ACACA: variants seen among roughly 807,000 people sequenced by gnomAD.
ACACA encodes the protein acetyl-CoA carboxylase 1.
In ACACA, 103 loss-of-function variants were observed where a neutral mutation model predicts 296.1. The observed-to-expected ratio is 0.35, with a 90% CI of 0.30 to 0.41. The LOEUF is 0.41. ACACA is among the 10% of genes least tolerant of loss of function. The pLI is 1.00. For missense variants in ACACA, 1,554 were observed against 2,989.7 expected (o/e 0.52, Z 11.20); for synonymous variants, 953 against 1,038.6 (o/e 0.92, Z 1.58).
At chr17:37,352,728 A>C (rs80087087) in intron 1 of ACACA, among the ~76,000 whole-genome samples, 1 of 146,186 alleles carries the variant, frequency 6.8e-6, no homozygotes, top group African/African-American at 2.5e-5. Context: ...AGACCTTATC[A>C]AAAAAAAAAA....
chr17:37,138,389 C>A (rs569843987), intron 45 of ACACA, among the ~76,000 whole-genome samples: 20 of 152,238 alleles, frequency 1.3e-4, no homozygotes, highest in Non-Finnish European at 2.8e-4. Context: ...CTAGAAAAGA[C>A]TGGAGTCCTT....
chr17:37,318,937 AATG>A (rs2047218089), intron 3 of ACACA, among the ~76,000 whole-genome samples: 3 of 152,234 alleles, frequency 2.0e-5, no homozygotes, highest in Admixed American at 6.5e-5. Flanking sequence ...TGGTACATAA[AATG>A]ATTATAAAAT....
At chr17:37,273,687 T>TTAA (rs1240822734) in intron 9 of ACACA, among the ~76,000 whole-genome samples, 1 of 152,244 alleles carries the variant, frequency 6.6e-6, no homozygotes, top group Non-Finnish European at 1.5e-5. Context: ...TGAGTGAGCC[T>TTAA]GCTTAACTCT....
rs546061028 is a variant in ACACA, at chr17:37,240,507, C to T, written c.3090G>A (p.Gln1030=). 4 of 1,613,834 alleles carry T rather than the reference C, an allele frequency of 2.5e-6. No individual in the cohort carries two copies. The African/African-American group carries it at 5.3e-5, about 22-fold the overall frequency. ...MKAVVMDLLR[Q]YLRVETQFQN... ...GGAATTGTGTCTCTACTCGCAGGTA[C>T]TGCCGGAGCAGATCCATCACCACAG... is the stretch of plus-strand genomic sequence containing the variant. The change falls in exon 24 of 56, where the codon CAG becomes CAA. Residue 1030 remains glutamine (Q), a synonymous_variant. Transcript: ENST00000616317.
At chr17:37,325,532 A>C (rs1018846514) in intron 3 of ACACA, among the ~76,000 whole-genome samples, 2 of 147,150 alleles carry the variant, frequency 1.4e-5, no homozygotes, top group African/African-American at 5.0e-5. Flanking sequence ...GTATATTCCC[A>C]CCAAGCTATA....
chr17:37,206,155 CT>C (rs11303351), intron 32 of ACACA, among the ~76,000 whole-genome samples: 3,122 of 152,172 alleles, frequency 0.021, 110 homozygotes, highest in African/African-American at 0.072. Flanking sequence ...TATGTCTCAC[CT>C]TTTTTACCAA....
intron 29 of ACACA, among the ~76,000 whole-genome samples, chr17:37,216,235 A>T (rs1598206835): frequency 6.8e-6 from 1 of 148,024 alleles, no homozygotes; most frequent in African/African-American, 2.5e-5. Flanking sequence ...TATGTTTCTA[A>T]CTATGCTTAA....
intron 24 of ACACA, among the ~76,000 whole-genome samples, chr17:37,236,215 AT>A (rs557412246): frequency 6.6e-6 from 1 of 152,178 alleles, no homozygotes; most frequent in Admixed American, 6.5e-5. Flanking sequence ...GACATAAGCA[AT>A]TTTTTTCCAA....
chr17:37,209,086 T>C (rs1267949872), intron 30 of ACACA, among the ~76,000 whole-genome samples: 4 of 152,208 alleles, frequency 2.6e-5, no homozygotes, highest in African/African-American at 9.6e-5. Flanking sequence ...GAGTGATGAC[T>C]ATGGAAAAGG....
At chr17:37,362,773 A>G (rs909587729) in intron 1 of ACACA, among the ~76,000 whole-genome samples, 2 of 152,112 alleles carry the variant, frequency 1.3e-5, no homozygotes, top group Non-Finnish European at 2.9e-5. Flanking sequence ...CAGGATATCG[A>G]GACCATCCTG....
At chr17:37,321,011 T>C (rs1006197810) in intron 3 of ACACA, among the ~76,000 whole-genome samples, 5 of 152,106 alleles carry the variant, frequency 3.3e-5, no homozygotes, top group African/African-American at 1.2e-4. Context: ...TGGGATTGTT[T>C]TGATAATTCA....
intron 1 of ACACA, among the ~76,000 whole-genome samples, chr17:37,355,275 T>C (rs2049083097): frequency 7.6e-6 from 1 of 131,354 alleles, no homozygotes; most frequent in Admixed American, 7.6e-5. Flanking sequence ...AAAAATAAAG[T>C]GGCCAGGCGC....
intron 45 of ACACA, among the ~76,000 whole-genome samples, chr17:37,130,783 C>G (rs888986460): frequency 1.3e-5 from 2 of 151,992 alleles, no homozygotes; most frequent in African/African-American, 2.4e-5. Context: ...TCTTTGCACA[C>G]AGACACAAAA....
intron 3 of ACACA, among the ~76,000 whole-genome samples, chr17:37,307,653 C>G (rs951758758): frequency 2.0e-5 from 3 of 152,064 alleles, no homozygotes; most frequent in African/African-American, 7.2e-5. Context: ...GGAGTGCAAT[C>G]TCAGCTCACT....
intron 40 of ACACA, 136 bp downstream of exon 40, chr17:37,181,065 A>T: frequency 1.1e-6 from 1 of 945,516 alleles, no homozygotes; most frequent in Non-Finnish European, 1.7e-6. Flanking sequence ...TCCTCAAATG[A>T]AATAGAAATG....
chr17:37,088,814 T>C, intron 55 of ACACA, 124 bp downstream of exon 55: 1 of 1,346,230 alleles, frequency 7.4e-7, no homozygotes, highest in Non-Finnish European at 1.1e-6. Flanking sequence ...TACAGCTGTC[T>C]CAAACAGCAA....
At chr17:37,392,938 T>C (rs1253933173) in intron 1 of ACACA, among the ~76,000 whole-genome samples, 1 of 149,740 alleles carries the variant, frequency 6.7e-6, no homozygotes, top group African/African-American at 2.5e-5. Flanking sequence ...AGGTAAGGAG[T>C]TTGAGACCAG....
At chr17:37,350,617 A>T (rs1450308239) in intron 1 of ACACA, among the ~76,000 whole-genome samples, 3 of 152,194 alleles carry the variant, frequency 2.0e-5, no homozygotes, top group Non-Finnish European at 4.4e-5. Flanking sequence ...AGGCAGGTAG[A>T]TCACCTGAGA....
At chr17:37,278,957 T>C (rs571435085) in intron 5 of ACACA, among the ~76,000 whole-genome samples, 46 of 152,312 alleles carry the variant, frequency 3.0e-4, no homozygotes, top group African/African-American at 1.1e-3. Context: ...GGTGGTTTGC[T>C]GTACCTATCA....
Sources: gnomAD v4.1 joint callset for allele counts (sites outside exome capture counted in the v4.1 genomes callset) on GRCh38, gnomAD v4.1.1 for gene constraint, MANE v1.5 for transcripts, NCBI Gene and HGNC (gene_info 2026-07-23, HGNC 2026-07-21) for gene names.